XRCC4: variants seen among roughly 807,000 people sequenced by gnomAD.
XRCC4 encodes DNA repair protein XRCC4.
XRCC4 carries 28 observed loss-of-function variants against 39.1 expected under a neutral mutation model. That is an observed-to-expected ratio of 0.72 (90% CI 0.53 to 0.98). XRCC4 has a LOEUF of 0.98. XRCC4 is among the 50% of genes least tolerant of loss of function. The pLI is 0.00. For synonymous variants in XRCC4, 123 were observed against 126.4 expected (o/e 0.97, Z 0.18); for missense variants, 350 against 376.4 (o/e 0.93, Z 0.58).
At chr5:83,359,670 C>G in the XRCC4 span, among the ~76,000 whole-genome samples, 1 of 152,034 alleles carries the variant, frequency 6.6e-6, no homozygotes, top group Non-Finnish European at 1.5e-5. Flanking sequence ...AAGAAATTAC[C>G]TAATTAATAA....
intron 1 of XRCC4, among the ~76,000 whole-genome samples, chr5:83,083,189 A>G (rs1484962182): frequency 6.6e-6 from 1 of 151,988 alleles, no homozygotes; most frequent in African/African-American, 2.4e-5. Context: ...CTATATATGT[A>G]TTACATATTT....
At chr5:83,082,770 G>A (rs1182988407) in intron 1 of XRCC4, among the ~76,000 whole-genome samples, 2 of 151,530 alleles carry the variant, frequency 1.3e-5, no homozygotes, top group Non-Finnish European at 2.9e-5. Context: ...TAGTGTTAGT[G>A]TATTTTATGT....
At position 83,270,026 on chromosome 5, in the gene XRCC4, G is replaced by A. The variant is rs1330304751; in HGVS notation, c.893+11349G>A. Among the ~76,000 whole-genome samples the A allele has an allele frequency of 1.4e-4, 19 of 134,010 alleles. No homozygotes were observed. The East Asian group carries it at 5.2e-3, about 37-fold the overall frequency. The allele number at this position is 134,010 out of a possible 152,430, so 87.9% of individuals were successfully genotyped here. ...AGCTTGTTTTCCTCACCTCACAAAT[G>A]GTCCCATTTGGGGGTGATGGGAGAC... On this transcript the variant is annotated intron_variant, in intron 7 of 7. Transcript: ENST00000396027.
chr5:83,275,575 G>T (rs1357544074), intron 7 of XRCC4, among the ~76,000 whole-genome samples: 1 of 152,120 alleles, frequency 6.6e-6, no homozygotes, highest in African/African-American at 2.4e-5. Context: ...GATTACAGGC[G>T]TGAGCCACCG....
At chr5:83,106,042 G>A (rs1746183333) in intron 2 of XRCC4, among the ~76,000 whole-genome samples, 1 of 152,136 alleles carries the variant, frequency 6.6e-6, no homozygotes, top group Non-Finnish European at 1.5e-5. Context: ...TAATGTTGAT[G>A]TAGGGATTCC....
At position 83,324,320 on chromosome 5, in the gene XRCC4, CAT is replaced by C. The variant is rs1262893480; in HGVS notation, c.894-28810_894-28809del. Among the ~76,000 whole-genome samples the C allele has an allele frequency of 3.3e-5, 5 of 152,122 alleles. No homozygotes were observed. The South Asian group carries it at 8.3e-4, about 25-fold the overall frequency. On this transcript the variant is annotated intron_variant, in intron 7 of 7. Transcript: ENST00000396027. ...TTGATGTCTCACTAAATGAAAGACACATGTGCATTAGATCCATCTACCTTTCA... is the reference window on the plus strand; with the variant it reads ...TTGATGTCTCACTAAATGAAAGACACGTGCATTAGATCCATCTACCTTTCA...
At chr5:83,278,140 T>G (rs1754400574) in intron 7 of XRCC4, among the ~76,000 whole-genome samples, 1 of 152,186 alleles carries the variant, frequency 6.6e-6, no homozygotes, top group Non-Finnish European at 1.5e-5. Context: ...AGATTTCACA[T>G]CACTTCACCC....
intron 3 of XRCC4, among the ~76,000 whole-genome samples, chr5:83,122,546 A>G (rs944193693): frequency 6.6e-6 from 1 of 152,170 alleles, no homozygotes; most frequent in East Asian, 1.9e-4. Flanking sequence ...GATCTCATCA[A>G]TTACTCAGCA....
the XRCC4 span, among the ~76,000 whole-genome samples, chr5:83,373,434 T>C: frequency 1.3e-5 from 2 of 152,306 alleles, no homozygotes. Context: ...AATGGCCCAT[T>C]CTTTTCTCAA....
chr5:83,365,022 G>A, the XRCC4 span, among the ~76,000 whole-genome samples: 21 of 152,270 alleles, frequency 1.4e-4, no homozygotes, highest in African/African-American at 3.9e-4. Flanking sequence ...TGCAGAGGGC[G>A]GTTTATTTGG....
chr5:83,340,354 G>A (rs1349656417), intron 7 of XRCC4, among the ~76,000 whole-genome samples: 2 of 152,116 alleles, frequency 1.3e-5, no homozygotes, highest in African/African-American at 4.8e-5. Context: ...GTTAGACCAC[G>A]TAGCAATGGG....
At chr5:83,084,320 G>T (rs6868416) in intron 1 of XRCC4, among the ~76,000 whole-genome samples, 74,486 of 152,038 alleles carry the variant, frequency 0.49, 19,047 homozygotes, top group African/African-American at 0.63. Context: ...TTGTTATTGC[G>T]GAAGCTGCCA....
At chr5:83,147,908 G>A (rs1027919875) in intron 3 of XRCC4, among the ~76,000 whole-genome samples, 1 of 151,172 alleles carries the variant, frequency 6.6e-6, no homozygotes, top group South Asian at 2.1e-4. Context: ...CTCGTGTCTC[G>A]GCCTCCTTAG....
intron 1 of XRCC4, among the ~76,000 whole-genome samples, chr5:83,079,244 A>G (rs755906418): frequency 3.3e-5 from 5 of 152,248 alleles, no homozygotes; most frequent in Non-Finnish European, 7.3e-5. Flanking sequence ...TAAGTTATCT[A>G]TAGAGAAACA....
At chr5:83,367,995 C>T in the XRCC4 span, among the ~76,000 whole-genome samples, 2 of 151,310 alleles carry the variant, frequency 1.3e-5, no homozygotes, top group Non-Finnish European at 2.9e-5. Context: ...GGAGAAAACA[C>T]AGCTGATGCA....
At chr5:83,361,624 T>TA in the XRCC4 span, among the ~76,000 whole-genome samples, 1 of 140,040 alleles carries the variant, frequency 7.1e-6, no homozygotes, top group East Asian at 2.0e-4. Flanking sequence ...TTTATTTTTC[T>TA]TTTTTTTTTT....
At chr5:83,148,699 C>T (rs913181388) in intron 3 of XRCC4, among the ~76,000 whole-genome samples, 6 of 151,942 alleles carry the variant, frequency 3.9e-5, no homozygotes, top group African/African-American at 1.5e-4. Flanking sequence ...ATTAAGTGCT[C>T]AATTTATGTT....
chr5:83,142,538 G>GAAT (rs1748232100), intron 3 of XRCC4, among the ~76,000 whole-genome samples: 2 of 152,116 alleles, frequency 1.3e-5, no homozygotes, highest in African/African-American at 4.8e-5. Flanking sequence ...TGATATTCCA[G>GAAT]GTATAAAATT....
At chr5:83,340,530 C>T (rs1756723338) in intron 7 of XRCC4, among the ~76,000 whole-genome samples, 1 of 151,964 alleles carries the variant, frequency 6.6e-6, no homozygotes, top group South Asian at 2.1e-4. Flanking sequence ...AAGCAAGCAA[C>T]ATCAGAATGA....
Sources: allele counts gnomAD v4.1 joint callset (sites outside exome capture counted in the v4.1 genomes callset), GRCh38; gene constraint gnomAD v4.1.1; transcripts MANE v1.5; gene names NCBI Gene and HGNC (gene_info 2026-07-23, HGNC 2026-07-21).